Variants in FOXK2 observed in about 807,000 individuals in gnomAD.
The protein encoded by FOXK2 is forkhead box protein K2.
FOXK2 carries 24 observed loss-of-function variants against 53.3 expected under a neutral mutation model. The ratio of observed to expected loss-of-function variants is 0.45; its 90% CI spans 0.33 to 0.63. The LOEUF (loss-of-function observed/expected upper bound fraction) is 0.63. FOXK2 is among the 30% of genes least tolerant of loss of function. The pLI is 0.03. For missense variants in FOXK2, 952 were observed against 910.5 expected (o/e 1.05, Z -0.59); for synonymous variants, 505 against 407.1 (o/e 1.24, Z -2.89).
chr17:82,527,257 C>G (rs1004503480), intron 1 of FOXK2, among the ~76,000 whole-genome samples: 2 of 152,134 alleles, frequency 1.3e-5, no homozygotes, highest in African/African-American at 4.8e-5. Flanking sequence ...TCTCCTGCCT[C>G]AGCCTCCCGA....
At chr17:82,526,374 A>G (rs1007637480) in intron 1 of FOXK2, among the ~76,000 whole-genome samples, 1 of 152,160 alleles carries the variant, frequency 6.6e-6, no homozygotes, top group Non-Finnish European at 1.5e-5. Flanking sequence ...TGTCTCCAGG[A>G]TAAGGAAGGA....
At chr17:82,583,025 A>T in intron 5 of FOXK2, 91 bp downstream of exon 5, 1 of 901,842 alleles carries the variant, frequency 1.1e-6, no homozygotes, top group East Asian at 2.9e-5. Flanking sequence ...AAATGAAGGA[A>T]CTACTAAATG....
At chr17:82,560,099 G>A (rs2044776727) in intron 1 of FOXK2, among the ~76,000 whole-genome samples, 1 of 150,368 alleles carries the variant, frequency 6.7e-6, no homozygotes, top group African/African-American at 2.5e-5. Context: ...TCTGCCTCCC[G>A]GGTTCAAGAG....
chr17:82,557,961 C>A (rs1432560485), intron 1 of FOXK2, among the ~76,000 whole-genome samples: 8 of 152,184 alleles, frequency 5.3e-5, no homozygotes, highest in Admixed American at 1.3e-4. Flanking sequence ...CCCCTTTCCT[C>A]ATTTTAAATG....
At chr17:82,591,008 T>C (rs1461189298) in intron 8 of FOXK2, among the ~76,000 whole-genome samples, 3 of 152,174 alleles carry the variant, frequency 2.0e-5, no homozygotes, top group Non-Finnish European at 4.4e-5. Flanking sequence ...CACCAGCTGC[T>C]GTGGGACCCG....
At chr17:82,591,360 C>T (rs947109124) in intron 8 of FOXK2, among the ~76,000 whole-genome samples, 1 of 152,108 alleles carries the variant, frequency 6.6e-6, no homozygotes, top group Non-Finnish European at 1.5e-5. Flanking sequence ...CCGTTGTCGC[C>T]GTTGTCCACA....
chr17:82,587,449 C>T, intron 8 of FOXK2, 177 bp downstream of exon 8: 2 of 631,274 alleles, frequency 3.2e-6, no homozygotes, highest in Non-Finnish European at 5.7e-6. Flanking sequence ...AGTCGGCCGT[C>T]ATGGGATTCC....
In FOXK2 at chr17:82,519,770, C is replaced by T. The variant is rs2044339068; in HGVS notation, c.-119C>T. Reference sequence around the variant, plus strand: ...GCTCGCTCGCTCGCCGGCCGGCGGCCTCCGCTCGGCCCCCTCCCTCAGCTC... The same window carrying T: ...GCTCGCTCGCTCGCCGGCCGGCGGCTTCCGCTCGGCCCCCTCCCTCAGCTC... On this transcript the variant is annotated 5_prime_UTR_variant, in exon 1 of 9. Coordinates refer to ENST00000335255, the MANE Select transcript of FOXK2 (RefSeq NM_004514.4). 1 of 264,930 alleles carries T rather than the reference C, an allele frequency of 3.8e-6. No homozygotes were observed. Among genetic ancestry groups the T allele is most frequent in the Non-Finnish European group, 5.7e-6 (1 of 174,710 alleles). The allele number at this position is 264,930 out of a possible 1,614,324, so 16.4% of individuals were successfully genotyped here.
intron 1 of FOXK2, among the ~76,000 whole-genome samples, chr17:82,536,713 C>T (rs1258838837): frequency 6.6e-6 from 1 of 152,162 alleles, no homozygotes; most frequent in Non-Finnish European, 1.5e-5. Context: ...GCAGAGGGGG[C>T]CTTTTGCCCT....
At chr17:82,553,215 C>T (rs991376229) in intron 1 of FOXK2, among the ~76,000 whole-genome samples, 6 of 152,232 alleles carry the variant, frequency 3.9e-5, no homozygotes, top group South Asian at 2.1e-4. Flanking sequence ...GGATTACAGG[C>T]GTGAGCCACC....
chr17:82,567,375 G>T (rs1386399150), intron 2 of FOXK2, among the ~76,000 whole-genome samples: 1 of 152,184 alleles, frequency 6.6e-6, no homozygotes, highest in Non-Finnish European at 1.5e-5. Flanking sequence ...CCTTTAATCG[G>T]CACAGAGATC....
intron 1 of FOXK2, among the ~76,000 whole-genome samples, chr17:82,543,774 CT>C (rs59720257): frequency 0.11 from 12,028 of 112,294 alleles, 409 homozygotes; most frequent in South Asian, 0.16. Flanking sequence ...GCATGCTTAG[CT>C]TTTTTTTTTT....
intron 7 of FOXK2, among the ~76,000 whole-genome samples, chr17:82,586,404 G>GA (rs1279028568): frequency 5.7e-5 from 1 of 17,458 alleles, no homozygotes; most frequent in East Asian, 1.2e-3. Context: ...AGGTGGGCGG[G>GA]GGGGAAAGGA....
intron 1 of FOXK2, among the ~76,000 whole-genome samples, chr17:82,526,333 G>C (rs2044418144): frequency 6.6e-6 from 1 of 152,184 alleles, no homozygotes; most frequent in Admixed American, 6.5e-5. Flanking sequence ...TTGGCAATCA[G>C]GAAGTCTTGG....
chr17:82,525,101 G>A (rs62078086), intron 1 of FOXK2, among the ~76,000 whole-genome samples: 5,881 of 151,132 alleles, frequency 0.039, 122 homozygotes, highest in Non-Finnish European at 0.044. Flanking sequence ...TCAGCCTCCC[G>A]AGTAGCTGGG....
chr17:82,564,388 G>T (rs201281396), intron 2 of FOXK2, among the ~76,000 whole-genome samples: 4,113 of 121,068 alleles, frequency 0.034, 271 homozygotes, highest in East Asian at 0.24. Context: ...GTTTTTTTTT[G>T]TTTGTTTGTT....
chr17:82,576,419 C>T (rs906928436), intron 4 of FOXK2, among the ~76,000 whole-genome samples: 1 of 152,202 alleles, frequency 6.6e-6, no homozygotes, highest in Non-Finnish European at 1.5e-5. Flanking sequence ...TTAATGAATA[C>T]AAGAAGGTGT....
chr17:82,578,477 T>C (rs561640300), intron 4 of FOXK2: 7 of 152,350 alleles, frequency 4.6e-5, no homozygotes, highest in African/African-American at 1.7e-4. Context: ...GTCCAGTCAA[T>C]GTGGTTTTAA....
intron 1 of FOXK2, among the ~76,000 whole-genome samples, chr17:82,553,294 G>C (rs930087887): frequency 3.9e-5 from 6 of 152,204 alleles, no homozygotes; most frequent in African/African-American, 1.2e-4. Flanking sequence ...TTTCTGAGTC[G>C]CCTGAGTTAT....
Sources: gnomAD v4.1 joint callset for allele counts (sites outside exome capture counted in the v4.1 genomes callset) on GRCh38, gnomAD v4.1.1 for gene constraint, MANE v1.5 for transcripts, NCBI Gene and HGNC (gene_info 2026-07-23, HGNC 2026-07-21) for gene names.